The following CHCHD7 variants were observed in gnomAD, a reference collection of about 807,000 sequenced individuals.
CHCHD7 encodes coiled-coil-helix-coiled-coil-helix domain-containing protein 7.
CHCHD7 carries 7 observed loss-of-function variants against 10.5 expected under a neutral mutation model. The observed-to-expected ratio is 0.67, with a 90% CI of 0.38 to 1.25. The LOEUF (loss-of-function observed/expected upper bound fraction) is 1.25. Ranked by LOEUF, CHCHD7 falls within the 50% of genes most tolerant of loss-of-function variation. The pLI, the probability that CHCHD7 is intolerant of heterozygous loss-of-function variation, is 0.02. For synonymous variants in CHCHD7, 40 were observed against 36.0 expected, an observed-to-expected ratio of 1.11 and a Z score of -0.40; for missense variants, 100 against 104.5, an observed-to-expected ratio of 0.96 and a Z score of 0.19.
At chr8:56,213,931 T>A (rs1230884756) in intron 1 of CHCHD7, 1 of 152,264 alleles carries the variant, frequency 6.6e-6, no homozygotes, top group Non-Finnish European at 1.5e-5. Context: ...TGTACCGAAT[T>A]TCATTCTTAT....
In CHCHD7 at chr8:56,217,548, T is replaced by A; in HGVS notation, c.*113T>A. ...CTCACCCAGACAGACCTTAAGTTCT[T>A]CAAGTGGAGACAGTGAAGTCACCCC... is the stretch of plus-strand genomic sequence containing the variant. On this transcript the variant is annotated 3_prime_UTR_variant, in exon 4 of 4. Transcript: ENST00000355315. The A allele has an allele frequency of 4.6e-6, 3 of 645,738 alleles. No individual in the cohort carries two copies. Among genetic ancestry groups the A allele is most frequent in the Non-Finnish European group, 7.9e-6 (3 of 378,700 alleles). 40.0% of individuals were successfully genotyped at this position (645,738 alleles called of 1,614,324 possible).
chr8:56,213,105 A>T (rs1371398813), intron 1 of CHCHD7: 10 of 420,150 alleles, frequency 2.4e-5, no homozygotes, highest in Middle Eastern at 6.0e-4. Context: ...ATTTACTATC[A>T]TCATCTCTCT....
intron 1 of CHCHD7, chr8:56,213,635 C>T (rs1244993941): frequency 6.6e-6 from 1 of 152,194 alleles, no homozygotes; most frequent in Admixed American, 6.5e-5. Context: ...CGTGATCCGC[C>T]CGACTCGGCC....
chr8:56,211,923 TG>T (rs1267328890), intron 1 of CHCHD7, 86 bp downstream of exon 1: 3 of 152,434 alleles, frequency 2.0e-5, no homozygotes, highest in African/African-American at 7.2e-5. Flanking sequence ...GGGGCCCGAA[TG>T]CACTTCTGCG....
chr8:56,213,346 C>T (rs1813136972), intron 1 of CHCHD7: 1 of 152,332 alleles, frequency 6.6e-6, no homozygotes, highest in Non-Finnish European at 1.5e-5. Context: ...TCTCCTTTGG[C>T]CTGGACGTCC....
At chr8:56,212,743 A>G (rs1813083376) in intron 1 of CHCHD7, 5 of 727,996 alleles carry the variant, frequency 6.9e-6, no homozygotes, top group East Asian at 2.5e-5. Flanking sequence ...GTAAATTGAC[A>G]TTTCCTCTTC....
intron 2 of CHCHD7, 131 bp from the exon 3 acceptor site, chr8:56,216,302 T>C: frequency 7.3e-7 from 1 of 1,378,142 alleles, no homozygotes; most frequent in Non-Finnish European, 9.7e-7. Context: ...TTTATTAGTC[T>C]ACCCATCAAA....
intron 2 of CHCHD7, chr8:56,215,538 T>C (rs1272465626): frequency 6.6e-6 from 1 of 152,170 alleles, no homozygotes; most frequent in Non-Finnish European, 1.5e-5. Context: ...GTTCGTGATA[T>C]TAGATCCCAC....
chr8:56,215,266 A>C (rs1813274385), intron 2 of CHCHD7: 1 of 152,328 alleles, frequency 6.6e-6, no homozygotes, highest in East Asian at 1.9e-4. Context: ...AAATATATAC[A>C]TTCATTAAAT....
chr8:56,216,315 G>A, intron 2 of CHCHD7, 118 bp from the exon 3 acceptor site: 1 of 1,465,168 alleles, frequency 6.8e-7, no homozygotes, highest in Non-Finnish European at 9.1e-7. Context: ...CCATCAAAAT[G>A]AACACAAATG....
At position 56,214,590 on chromosome 8, in the gene CHCHD7, A is replaced by G. The variant is rs151218676; in HGVS notation, c.-16-8A>G. 4.2e-4 allele frequency: 667 copies of G among 1,605,608 alleles called. 5 individuals carry two copies. The East Asian group carries it at 0.014, about 33-fold the overall frequency. The stretch of plus-strand genomic sequence containing the variant: ...CTGTATAATTATTTTTTTTCTGTCT[A>G]CCCTCAGTAAGAAGACTGTTAGAAT... On this transcript the variant is annotated splice_polypyrimidine_tract_variant and splice_region_variant and intron_variant, in intron 1 of 3. Transcript: ENST00000355315.
chr8:56,212,798 T>C (rs1813087133), intron 1 of CHCHD7: 1 of 1,184,582 alleles, frequency 8.4e-7, no homozygotes, highest in Non-Finnish European at 1.3e-6. Context: ...GAGGGGACTT[T>C]CGGAAATCCA....
At position 56,218,331 on chromosome 8, in the gene CHCHD7, G is replaced by T; in HGVS notation, c.*896G>T. The T allele has an allele frequency of 4.4e-6, 1 of 228,782 alleles. No individual in the cohort carries two copies. Among genetic ancestry groups the T allele is most frequent in the Non-Finnish European group, 8.7e-6 (1 of 115,338 alleles). 14.2% of individuals were successfully genotyped at this position (228,782 alleles called of 1,614,324 possible). ...ATACGATTATTCAATGTGGTGACTGGGGTAGACTGTGAAGCAGCCCTCCTT... is the reference window on the plus strand; with the variant it reads ...ATACGATTATTCAATGTGGTGACTGTGGTAGACTGTGAAGCAGCCCTCCTT... On this transcript the variant is annotated 3_prime_UTR_variant, in exon 4 of 4. Transcript: ENST00000355315.
intron 3 of CHCHD7, chr8:56,216,784 C>T (rs780095421): frequency 7.2e-6 from 5 of 697,438 alleles, no homozygotes; most frequent in Non-Finnish European, 1.3e-5. Context: ...TAAGTATCTG[C>T]AGCCCTAAAA....
At position 56,211,861 on chromosome 8, in the gene CHCHD7, T is replaced by G. The variant is rs556201195; in HGVS notation, c.-17+24T>G. 2.7e-3 allele frequency: 418 copies of G among 152,704 alleles called. 1 individual carries two copies. Among genetic ancestry groups the G allele is most frequent in the African/African-American group, 9.4e-3 (392 of 41,528 alleles). 9.5% of individuals were successfully genotyped at this position (152,704 alleles called of 1,614,324 possible). Reference sequence around the variant, plus strand: ...AGGTGAGTGGTTCCCCCGCCCTACCTCCGAAGCGGCCGCAGAAAAGCGGGG... The same window carrying G: ...AGGTGAGTGGTTCCCCCGCCCTACCGCCGAAGCGGCCGCAGAAAAGCGGGG... On this transcript the variant is annotated intron_variant, in intron 1 of 3. Transcript: ENST00000355315.
chr8:56,217,245 G>A, intron 3 of CHCHD7, 86 bp from the exon 4 acceptor site: 9 of 727,332 alleles, frequency 1.2e-5, no homozygotes, highest in Non-Finnish European at 2.0e-5. Flanking sequence ...TTTTGAGGAA[G>A]CAATAGCAAA....
chr8:56,214,351 G>C (rs1391360130), intron 1 of CHCHD7: 4 of 301,804 alleles, frequency 1.3e-5, no homozygotes, highest in Non-Finnish European at 2.5e-5. Flanking sequence ...GATTACAGGC[G>C]TGAGACACCG....
At chr8:56,215,837 T>C (rs1813315736) in intron 2 of CHCHD7, among the ~76,000 whole-genome samples, 1 of 152,210 alleles carries the variant, frequency 6.6e-6, no homozygotes, top group African/African-American at 2.4e-5. Flanking sequence ...TTTGAATTTA[T>C]AGCTTGTGTT....
At chr8:56,216,874 G>T (rs1813379358) in intron 3 of CHCHD7, 3 of 547,012 alleles carry the variant, frequency 5.5e-6, no homozygotes, top group South Asian at 2.1e-5. Context: ...ATCATGTTAG[G>T]CTTCAATTTC....
Sources: gnomAD v4.1 joint callset for allele counts (sites outside exome capture counted in the v4.1 genomes callset) on GRCh38, gnomAD v4.1.1 for gene constraint, MANE v1.5 for transcripts, NCBI Gene and HGNC (gene_info 2026-07-23, HGNC 2026-07-21) for gene names.